SYNJ1: variants seen among roughly 807,000 people sequenced by gnomAD.
SYNJ1 encodes polyphosphatidylinositol phosphatase SYNJ1.
In SYNJ1, 78 loss-of-function variants were observed where a neutral mutation model predicts 168.2. That is an observed-to-expected ratio of 0.46 (90% CI 0.39 to 0.56). SYNJ1 has a LOEUF of 0.56. SYNJ1 is among the 20% of genes least tolerant of loss of function. The pLI is 0.00. For synonymous variants in SYNJ1, 539 were observed against 548.6 expected (o/e 0.98, Z 0.24); for missense variants, 1,303 against 1,597.6 (o/e 0.82, Z 3.14).
rs776979281 is a variant in SYNJ1, at chr21:32,645,029, GC to G, written c.3392-24del. 4.4e-6 allele frequency: 7 copies of G among 1,594,988 alleles called. No homozygotes were observed. In the East Asian group the frequency reaches 1.6e-4, roughly 36 times the overall value. On this transcript the variant is annotated intron_variant, in intron 25 of 32. Transcript: ENST00000674351. Reference sequence around the variant, plus strand: ...CCCCTTATAGTTCATAAGAAAATAGGCAGCAGAAAGGAAATGACATTAAATA... The same window carrying G: ...CCCCTTATAGTTCATAAGAAAATAGGAGCAGAAAGGAAATGACATTAAATA...
At chr21:32,657,190 C>T in intron 19 of SYNJ1, 70 bp from the exon 20 acceptor site, 1 of 1,018,610 alleles carries the variant, frequency 9.8e-7, no homozygotes, top group South Asian at 1.4e-5. Flanking sequence ...AGCAAAGAGG[C>T]ATTCTCCTTC....
rs988950141 is a variant in SYNJ1, at chr21:32,727,965, T to C, written c.-42A>G. On this transcript the variant is annotated 5_prime_UTR_variant, in exon 1 of 33. Coordinates refer to ENST00000674351, the MANE Select transcript of SYNJ1 (RefSeq NM_203446.3). ...GCTCACCTCTTCCTCCGGCTCCTCCTCCTCCTTCTCCCGCAGCCGCCGCCA... is the reference window on the plus strand; with the variant it reads ...GCTCACCTCTTCCTCCGGCTCCTCCCCCTCCTTCTCCCGCAGCCGCCGCCA... 5.6e-5 allele frequency: 86 copies of C among 1,534,056 alleles called. No individual in the cohort carries two copies. Among genetic ancestry groups the C allele is most frequent in the Admixed American group, 1.2e-4 (6 of 50,926 alleles).
rs1601342254 is a variant in SYNJ1, at chr21:32,665,134, T to C, written c.2146-63A>G. The stretch of plus-strand genomic sequence containing the variant: ...TCAATGTTCAAAAATGTTTTACAAC[T>C]ATTTCTTTGCCTGAGATATGCTTGT... On this transcript the variant is annotated intron_variant, in intron 17 of 32. Transcript: ENST00000674351. 2.0e-6 allele frequency: 3 copies of C among 1,484,602 alleles called. No individual in the cohort carries two copies. The East Asian group carries it at 7.1e-5, about 35-fold the overall frequency. 92.0% of individuals were successfully genotyped at this position (1,484,602 alleles called of 1,614,324 possible).
At chr21:32,672,850 A>G (rs1008096158) in intron 14 of SYNJ1, among the ~76,000 whole-genome samples, 14 of 152,348 alleles carry the variant, frequency 9.2e-5, no homozygotes, top group African/African-American at 3.1e-4. Flanking sequence ...AACTAAATAG[A>G]GGATTAAGAA....
rs1265972223 is a variant in SYNJ1, at chr21:32,643,471, G to C, written c.3431-14C>G. ...GGGCTCCAATACCTTTTTAGAGAAA[G>C]AACAGAAACTATATATTGTTCAGGG... On this transcript the variant is annotated splice_polypyrimidine_tract_variant and intron_variant, in intron 26 of 32. Coordinates refer to ENST00000674351, the MANE Select transcript of SYNJ1 (RefSeq NM_203446.3). 1.2e-6 allele frequency: 2 copies of C among 1,612,952 alleles called. No homozygotes were observed. Among genetic ancestry groups the C allele is most frequent in the Non-Finnish European group, 1.7e-6 (2 of 1,179,178 alleles).
intron 3 of SYNJ1, among the ~76,000 whole-genome samples, 156 bp from the exon 4 acceptor site, chr21:32,700,261 T>A (rs2042351331): frequency 6.6e-6 from 1 of 152,208 alleles, no homozygotes; most frequent in South Asian, 2.1e-4. Flanking sequence ...TTGAAAAAAA[T>A]CCTTGTTTAA....
intron 30 of SYNJ1, 84 bp downstream of exon 30, chr21:32,639,587 C>T (rs530352353): frequency 2.9e-5 from 30 of 1,039,746 alleles, no homozygotes; most frequent in South Asian, 2.2e-4. Context: ...TTTTTACAGG[C>T]GGGTCTCACT....
intron 21 of SYNJ1, among the ~76,000 whole-genome samples, chr21:32,654,383 A>G (rs987688258): frequency 1.3e-5 from 2 of 152,224 alleles, no homozygotes; most frequent in African/African-American, 4.8e-5. Context: ...TCTTTGGCAT[A>G]AAACTAAATT....
At position 32,631,472 on chromosome 21, in the gene SYNJ1, G is replaced by T; in HGVS notation, c.*333C>A. 6.2e-7 allele frequency: 1 copy of T among 1,614,144 alleles called. No individual in the cohort carries two copies. Among genetic ancestry groups the T allele is most frequent in the Non-Finnish European group, 8.5e-7 (1 of 1,180,008 alleles). ...ATTCTTCAGACTTGGCTCTAAATGG[G>T]TTTCCAGGAGCAGCAGTCCTGTCAC... On this transcript the variant is annotated 3_prime_UTR_variant, in exon 33 of 33. Coordinates refer to ENST00000674351, the MANE Select transcript of SYNJ1 (RefSeq NM_203446.3).
chr21:32,690,267 G>A (rs1345805568), intron 6 of SYNJ1, among the ~76,000 whole-genome samples: 2 of 152,218 alleles, frequency 1.3e-5, no homozygotes, highest in Non-Finnish European at 2.9e-5. Flanking sequence ...GAATGCAGTG[G>A]TGCAACCATA....
intron 4 of SYNJ1, among the ~76,000 whole-genome samples, chr21:32,699,063 C>T (rs2042307901): frequency 6.6e-6 from 1 of 152,114 alleles, no homozygotes; most frequent in Admixed American, 6.5e-5. Context: ...GGCTGCCTGC[C>T]ATGCTCTGCT....
chr21:32,720,693 C>A (rs979107510), intron 2 of SYNJ1, among the ~76,000 whole-genome samples: 2 of 152,206 alleles, frequency 1.3e-5, no homozygotes, highest in African/African-American at 4.8e-5. Context: ...CATCCTTACT[C>A]CCATGCTAGC....
At chr21:32,712,975 C>A (rs1250305711) in intron 2 of SYNJ1, among the ~76,000 whole-genome samples, 2 of 152,166 alleles carry the variant, frequency 1.3e-5, no homozygotes, top group East Asian at 3.8e-4. Context: ...AAAACATGTA[C>A]AAGGATGTTC....
In SYNJ1 at chr21:32,631,399, G is replaced by C. The variant is rs2039320324; in HGVS notation, c.*406C>G. On this transcript the variant is annotated 3_prime_UTR_variant, in exon 33 of 33. Coordinates refer to ENST00000674351, the MANE Select transcript of SYNJ1 (RefSeq NM_203446.3). ...CCAAGAGGCTGCAGAGAAGGGAAAG[G>C]ACTGATAGTAACGGGCTCTTCTTTG... 6.2e-7 allele frequency: 1 copy of C among 1,614,080 alleles called. No homozygotes were observed. Among genetic ancestry groups the C allele is most frequent in the South Asian group, 1.1e-5 (1 of 91,074 alleles).
intron 2 of SYNJ1, among the ~76,000 whole-genome samples, chr21:32,707,087 T>C (rs191061232): frequency 6.6e-6 from 1 of 152,108 alleles, no homozygotes; most frequent in Admixed American, 6.6e-5. Context: ...TTTCATACTG[T>C]TGTTTCATCT....
chr21:32,633,914 T>C (rs2039449701), intron 32 of SYNJ1, among the ~76,000 whole-genome samples: 1 of 152,172 alleles, frequency 6.6e-6, no homozygotes, highest in Non-Finnish European at 1.5e-5. Flanking sequence ...ATGTCTTAGG[T>C]AAGTAGACCT....
At chr21:32,727,850 G>A (rs944402131) in intron 1 of SYNJ1, 96 bp downstream of exon 1, 18 of 1,502,428 alleles carry the variant, frequency 1.2e-5, no homozygotes, top group Non-Finnish European at 1.6e-5. Context: ...TCCCGCTGAC[G>A]CTGCGGAGGC....
chr21:32,695,860 T>G (rs1484998542), intron 4 of SYNJ1, among the ~76,000 whole-genome samples: 1 of 151,172 alleles, frequency 6.6e-6, no homozygotes, highest in Non-Finnish European at 1.5e-5. Flanking sequence ...TTTTTTTTCT[T>G]TTTTGAGACG....
At chr21:32,647,373 CGTGGCATCAAAGTCCAT>C (rs2040114097) in intron 23 of SYNJ1, among the ~76,000 whole-genome samples, 1 of 152,194 alleles carries the variant, frequency 6.6e-6, no homozygotes, top group African/African-American at 2.4e-5. Flanking sequence ...CATCTTTCTG[CGTGGCATCAAAGTCCAT>C]GTGGACAACT....
Sources: gnomAD v4.1 joint callset for allele counts (sites outside exome capture counted in the v4.1 genomes callset) on GRCh38, gnomAD v4.1.1 for gene constraint, MANE v1.5 for transcripts, NCBI Gene and HGNC (gene_info 2026-07-23, HGNC 2026-07-21) for gene names.